The following KANK1 variants were observed in gnomAD, a reference collection of about 807,000 sequenced individuals.
KANK1 encodes KN motif and ankyrin repeat domains 1.
Under a neutral mutation model 106.2 loss-of-function variants are expected in KANK1, and 109 were observed. The ratio of observed to expected loss-of-function variants is 1.03; its 90% CI spans 0.88 to 1.20. The LOEUF (loss-of-function observed/expected upper bound fraction) is 1.20, where lower values mean the gene tolerates loss of function less well. Ranked by LOEUF, KANK1 falls within the 50% of genes most tolerant of loss-of-function variation. The pLI is 0.00. For missense variants in KANK1, 2,399 were observed against 1,710.7 expected (o/e 1.40, Z -7.10); for synonymous variants, 873 against 652.2 (o/e 1.34, Z -5.16).
At position 690,578 on chromosome 9, in the gene KANK1, T is replaced by C. The variant is rs142889217; in HGVS notation, c.37+13569T>C. The stretch of plus-strand genomic sequence containing the variant: ...GTGCACAGTGGGTGGTGGGGAAAGA[T>C]GAGGGCAGGGAACATTGGGGGAGGA... On this transcript the variant is annotated intron_variant, in intron 2 of 11. Coordinates refer to ENST00000382297, the MANE Select transcript of KANK1 (RefSeq NM_015158.5). Among the ~76,000 whole-genome samples, 1,000 of 151,456 alleles carry C rather than the reference T, an allele frequency of 6.6e-3. 12 individuals carry two copies. The highest frequency in any genetic ancestry group is 0.022 in the African/African-American group (893 of 41,306).
chr9:478,870 T>G (rs1266977155), intron 3 of KANK1, among the ~76,000 whole-genome samples: 2 of 152,100 alleles, frequency 1.3e-5, no homozygotes, highest in Non-Finnish European at 2.9e-5. Context: ...TTGACCCCAT[T>G]ATATGAAGAA....
intron 1 of KANK1, among the ~76,000 whole-genome samples, chr9:615,025 C>G (rs902479896): frequency 6.6e-6 from 1 of 151,856 alleles, no homozygotes; most frequent in Non-Finnish European, 1.5e-5. Context: ...ACTGCAGCCT[C>G]CGTTTCCTGG....
intron 3 of KANK1, among the ~76,000 whole-genome samples, chr9:475,085 T>C (rs1037240243): frequency 6.6e-6 from 1 of 152,098 alleles, no homozygotes; most frequent in African/African-American, 2.4e-5. Flanking sequence ...TCCAAATAGA[T>C]AGGAAAAACC....
At position 742,346 on chromosome 9, in the gene KANK1, G is replaced by A. The variant is rs759646861; in HGVS notation, c.3838G>A (p.Val1280Met). Residue 1280 changes from valine (V) to methionine (M), a missense_variant, in exon 10 of 12, where the codon GTG (valine) becomes ATG (methionine). Physicochemically the swap from Val to Met is conservative, Grantham distance 21. Transcript: ENST00000382297. ...ALMCASEHGH[V>M]EIVKLLLAQP... Reference sequence around the variant, plus strand: ...CATGTGTGCCAGCGAGCACGGACACGTGGAGATTGTCAAGCTGCTGCTGGC... The same window carrying A: ...CATGTGTGCCAGCGAGCACGGACACATGGAGATTGTCAAGCTGCTGCTGGC... 19 of 1,614,044 alleles carry A rather than the reference G, an allele frequency of 1.2e-5. No individual in the cohort carries two copies. The highest frequency in any genetic ancestry group is 8.0e-5 in the African/African-American group (6 of 74,936).
At chr9:601,910 C>G (rs997865499) in intron 1 of KANK1, among the ~76,000 whole-genome samples, 2 of 151,848 alleles carry the variant, frequency 1.3e-5, no homozygotes, top group African/African-American at 2.4e-5. Flanking sequence ...TATCTGAGTA[C>G]CAGACGTGCA....
intron 3 of KANK1, among the ~76,000 whole-genome samples, chr9:490,908 G>A (rs10448239): frequency 4.7e-5 from 7 of 149,086 alleles, no homozygotes; most frequent in Non-Finnish European, 1.0e-4. Flanking sequence ...TAAGTGCTAC[G>A]AAAAAAGATG....
upstream of KANK1, among the ~76,000 whole-genome samples, chr9:501,613 T>TACACACACACACAC (rs60211646): frequency 1.3e-5 from 2 of 148,432 alleles, no homozygotes; most frequent in African/African-American, 4.9e-5. Flanking sequence ...CGCACAGACA[T>TACACACACACACAC]ACACACACAC....
chr9:624,785 C>T (rs780099710), intron 1 of KANK1, among the ~76,000 whole-genome samples: 20 of 151,950 alleles, frequency 1.3e-4, no homozygotes, highest in Non-Finnish European at 2.9e-4. Flanking sequence ...GGTGACAGAG[C>T]GAGACTCTGT....
chr9:602,397 C>T (rs574499320), intron 1 of KANK1, among the ~76,000 whole-genome samples: 1 of 151,628 alleles, frequency 6.6e-6, no homozygotes, highest in African/African-American at 2.4e-5. Context: ...GTAGCTGGGA[C>T]TACAGGCATG....
intron 3 of KANK1, among the ~76,000 whole-genome samples, chr9:485,780 AGAATC>A (rs975400014): frequency 1.3e-5 from 2 of 151,492 alleles, no homozygotes; most frequent in Admixed American, 6.6e-5. Context: ...CTGAGGCAGG[AGAATC>A]GCTTGAACCT....
intron 2 of KANK1, chr9:684,160 G>A (rs10975820): frequency 0.19 from 185,375 of 981,350 alleles, 26,915 homozygotes; most frequent in African/African-American, 0.68. Flanking sequence ...AGCCAGCTTC[G>A]CCTTATAAGC....
chr9:623,201 A>G (rs1016326599), intron 1 of KANK1, among the ~76,000 whole-genome samples: 3 of 152,104 alleles, frequency 2.0e-5, no homozygotes, highest in African/African-American at 7.2e-5. Flanking sequence ...AAACTCGTAC[A>G]ACTCAATACT....
intron 1 of KANK1, among the ~76,000 whole-genome samples, chr9:518,391 C>A (rs374317364): frequency 6.6e-6 from 1 of 151,608 alleles, no homozygotes; most frequent in African/African-American, 2.4e-5. Context: ...CCCTCCTTGA[C>A]CCCCAGTGGC....
chr9:739,515 C>T (rs1356756338), intron 8 of KANK1, among the ~76,000 whole-genome samples: 1 of 152,182 alleles, frequency 6.6e-6, no homozygotes, highest in African/African-American at 2.4e-5. Context: ...GGTATAACTG[C>T]TTCCATCTTA....
At chr9:718,374 A>G (rs571859481) in intron 3 of KANK1, among the ~76,000 whole-genome samples, 1 of 137,150 alleles carries the variant, frequency 7.3e-6, no homozygotes, top group East Asian at 2.2e-4. Flanking sequence ...GTGCAGTGGC[A>G]TGATCACAGC....
intron 2 of KANK1, chr9:693,721 AG>A: frequency 1.0e-6 from 1 of 985,314 alleles, no homozygotes; most frequent in Non-Finnish European, 1.2e-6. Flanking sequence ...TTTAATGCTG[AG>A]GGAAGTTTGC....
intron 1 of KANK1, among the ~76,000 whole-genome samples, chr9:524,811 C>T (rs1396157603): frequency 6.6e-6 from 1 of 151,488 alleles, no homozygotes; most frequent in Non-Finnish European, 1.5e-5. Context: ...GCCACCGTGC[C>T]CGGCTCGTTA....
chr9:745,501 C>G lies in KANK1; in HGVS notation c.*266C>G, dbSNP rs1051708258. 4 of 327,308 alleles carry G rather than the reference C, an allele frequency of 1.2e-5. No homozygotes were observed. Among genetic ancestry groups the G allele is most frequent in the Non-Finnish European group, 2.2e-5 (4 of 178,986 alleles). The allele number at this position is 327,308 out of a possible 1,614,324, so 20.3% of individuals were successfully genotyped here. On this transcript the variant is annotated 3_prime_UTR_variant, in exon 12 of 12. Transcript: ENST00000382297. The stretch of plus-strand genomic sequence containing the variant: ...GTCTCTGCTCCGTTTTGTACAGTCA[C>G]AGGGAATTCTGATCTGAAGGGGCAC...
chr9:605,958 C>T (rs1415008288), intron 1 of KANK1, among the ~76,000 whole-genome samples: 1 of 151,634 alleles, frequency 6.6e-6, no homozygotes, highest in Non-Finnish European at 1.5e-5. Context: ...GTTCTGACTC[C>T]CTTCCCATTA....
Sources: allele counts gnomAD v4.1 joint callset (sites outside exome capture counted in the v4.1 genomes callset), GRCh38; gene constraint gnomAD v4.1.1; transcripts MANE v1.5; gene names NCBI Gene and HGNC (gene_info 2026-07-23, HGNC 2026-07-21).